CTNNA3: variants seen among roughly 807,000 people sequenced by gnomAD.
The protein encoded by CTNNA3 is catenin alpha-3.
CTNNA3 carries 76 observed loss-of-function variants against 95.7 expected under a neutral mutation model. The ratio of observed to expected loss-of-function variants is 0.79; its 90% CI spans 0.66 to 0.96. CTNNA3 has a LOEUF of 0.96. Ranked by LOEUF, CTNNA3 falls within the 40% of genes least tolerant of loss-of-function variation. The pLI, the probability that CTNNA3 is intolerant of heterozygous loss-of-function variation, is 0.00. For synonymous variants in CTNNA3, 431 were observed against 374.4 expected, an observed-to-expected ratio of 1.15 and a Z score of -1.74; for missense variants, 1,191 against 1,089.8, an observed-to-expected ratio of 1.09 and a Z score of -1.31.
intron 15 of CTNNA3, among the ~76,000 whole-genome samples, chr10:66,029,517 T>C (rs1029478020): frequency 6.6e-6 from 1 of 152,182 alleles, no homozygotes; most frequent in African/African-American, 2.4e-5. Context: ...ACCTCAAATA[T>C]TGTTTAAATG....
chr10:65,927,405 T>C (rs541667032), intron 17 of CTNNA3, among the ~76,000 whole-genome samples: 28 of 152,344 alleles, frequency 1.8e-4, no homozygotes, highest in African/African-American at 6.7e-4. Context: ...TATTGTTACA[T>C]CAGTGTTCTA....
At chr10:66,987,051 A>T (rs539281405) in intron 7 of CTNNA3, among the ~76,000 whole-genome samples, 53 of 152,280 alleles carry the variant, frequency 3.5e-4, no homozygotes, top group Middle Eastern at 3.4e-3. Flanking sequence ...GATTTTCTGG[A>T]GAGAAAGAAT....
intron 8 of CTNNA3, among the ~76,000 whole-genome samples, chr10:66,773,337 C>T (rs1307217863): frequency 6.6e-6 from 1 of 152,176 alleles, no homozygotes; most frequent in African/African-American, 2.4e-5. Context: ...GAGGAAATAG[C>T]ATTCTCTGAC....
intron 13 of CTNNA3, among the ~76,000 whole-genome samples, chr10:66,147,787 T>TGCATGTATA: frequency 6.7e-6 from 1 of 149,676 alleles, no homozygotes; most frequent in East Asian, 1.9e-4. Context: ...ATGTATAGTA[T>TGCATGTATA]GTATGTATAG....
At chr10:67,364,747 A>G (rs772975997) in intron 5 of CTNNA3, among the ~76,000 whole-genome samples, 4 of 152,198 alleles carry the variant, frequency 2.6e-5, no homozygotes, top group Non-Finnish European at 4.4e-5. Flanking sequence ...ATGGAAAAAC[A>G]TTCCATGCTC....
At chr10:66,500,518 C>T (rs936555727) in intron 11 of CTNNA3, among the ~76,000 whole-genome samples, 1 of 152,096 alleles carries the variant, frequency 6.6e-6, no homozygotes, top group Non-Finnish European at 1.5e-5. Context: ...AGGGTCAAGT[C>T]ACAAGGCCAA....
chr10:67,230,317 C>A (rs890424609), intron 5 of CTNNA3, among the ~76,000 whole-genome samples: 3 of 152,092 alleles, frequency 2.0e-5, no homozygotes, highest in African/African-American at 7.2e-5. Context: ...ATACAAAAAT[C>A]AACTCAAGAT....
rs1554854251 is a variant in CTNNA3, at chr10:67,564,677, G to GTATATATATAAATATATA, written c.293-25009_293-25008insTATATATTTATATATATA. 4.4e-4 allele frequency among the ~76,000 whole-genome samples: 27 copies of GTATATATATAAATATATA among 61,308 alleles called. 1 individual carries two copies. The highest frequency in any genetic ancestry group is 7.5e-4 in the Non-Finnish European group (24 of 32,060). The allele number at this position is 61,308 out of a possible 152,430, so 40.2% of individuals were successfully genotyped here. On this transcript the variant is annotated intron_variant, in intron 3 of 17. Transcript: ENST00000433211. ...TATATGCATATATGTGTGTGTGTGT[G>GTATATATATAAATATATA]TATATATATATATATATATATATAT... is the stretch of plus-strand genomic sequence containing the variant.
intron 10 of CTNNA3, among the ~76,000 whole-genome samples, chr10:66,594,898 G>T (rs1019070798): frequency 6.6e-6 from 1 of 152,026 alleles, no homozygotes; most frequent in Non-Finnish European, 1.5e-5. Context: ...TGCCATATAA[G>T]TTTATTGTAA....
chr10:67,092,711 T>G (rs933265138), intron 7 of CTNNA3, among the ~76,000 whole-genome samples: 1 of 151,960 alleles, frequency 6.6e-6, no homozygotes, highest in African/African-American at 2.4e-5. Context: ...CATTAGTAAT[T>G]AGTTATTTTT....
At chr10:66,500,730 T>C (rs1840251624) in intron 11 of CTNNA3, among the ~76,000 whole-genome samples, 1 of 152,176 alleles carries the variant, frequency 6.6e-6, no homozygotes, top group Non-Finnish European at 1.5e-5. Flanking sequence ...CGTATTTTTC[T>C]TTCCTCCCAT....
intron 7 of CTNNA3, among the ~76,000 whole-genome samples, chr10:66,820,155 A>G (rs1842253207): frequency 6.6e-6 from 1 of 152,136 alleles, no homozygotes; most frequent in African/African-American, 2.4e-5. Flanking sequence ...TTATTCCATC[A>G]TAAAAATGGA....
At chr10:66,313,076 T>G (rs895265485) in intron 12 of CTNNA3, among the ~76,000 whole-genome samples, 2 of 151,928 alleles carry the variant, frequency 1.3e-5, no homozygotes, top group Admixed American at 6.6e-5. Flanking sequence ...AGAGAGAGAG[T>G]GTATCTTCCC....
At chr10:66,524,114 G>A (rs1299477897) in intron 10 of CTNNA3, among the ~76,000 whole-genome samples, 2 of 36,784 alleles carry the variant, frequency 5.4e-5, no homozygotes, top group Non-Finnish European at 1.4e-4. Flanking sequence ...CCCTTTTTCT[G>A]CTCTACTCCG....
chr10:66,705,227 T>C (rs1468332778), intron 9 of CTNNA3, among the ~76,000 whole-genome samples: 1 of 152,122 alleles, frequency 6.6e-6, no homozygotes, highest in Non-Finnish European at 1.5e-5. Flanking sequence ...TTCATTAGGA[T>C]ATGTTAAGCT....
chr10:66,846,387 G>T (rs566246157), intron 7 of CTNNA3, among the ~76,000 whole-genome samples: 2 of 151,932 alleles, frequency 1.3e-5, no homozygotes, highest in Non-Finnish European at 2.9e-5. Flanking sequence ...GAGATCTAAT[G>T]TATAGCGTGG....
At chr10:67,475,447 T>C (rs1344845441) in intron 5 of CTNNA3, among the ~76,000 whole-genome samples, 1 of 152,192 alleles carries the variant, frequency 6.6e-6, no homozygotes, top group African/African-American at 2.4e-5. Context: ...ATAAAAAAAT[T>C]CCTACCTATG....
chr10:66,431,752 TG>T (rs2093298308), intron 11 of CTNNA3, among the ~76,000 whole-genome samples: 2 of 81,678 alleles, frequency 2.4e-5, no homozygotes, highest in Non-Finnish European at 4.4e-5. Context: ...TGTTGTGGGG[TG>T]GGGGGAGGGG....
chr10:66,366,428 T>C (rs2092711709), intron 12 of CTNNA3, among the ~76,000 whole-genome samples: 1 of 152,186 alleles, frequency 6.6e-6, no homozygotes. Context: ...AATTCATATG[T>C]TAAAACCTAT....
Sources: gnomAD v4.1 joint callset for allele counts (sites outside exome capture counted in the v4.1 genomes callset) on GRCh38, gnomAD v4.1.1 for gene constraint, MANE v1.5 for transcripts, NCBI Gene and HGNC (gene_info 2026-07-23, HGNC 2026-07-21) for gene names.